The following DPRX variants were observed in gnomAD, a reference collection of about 807,000 sequenced individuals.
DPRX encodes the protein divergent-paired related homeobox, also known as divergent paired-related homeobox.
Under a neutral mutation model 8.4 loss-of-function variants are expected in DPRX, and 11 were observed. The ratio of observed to expected loss-of-function variants is 1.31; its 90% CI spans 0.82 to 2.17. The LOEUF is 2.17. Ranked by LOEUF, DPRX falls within the 30% of genes most tolerant of loss-of-function variation. The pLI is 0.00. For synonymous variants in DPRX, 72 were observed against 87.0 expected (o/e 0.83, Z 0.96); for missense variants, 211 against 236.7 (o/e 0.89, Z 0.71).
chr19:53,623,348 G>C, the DPRX span, among the ~76,000 whole-genome samples: 1 of 97,880 alleles, frequency 1.0e-5, no homozygotes, highest in African/African-American at 3.3e-5. Flanking sequence ...TAAATAAAAG[G>C]CCATTCCTGG....
At chr19:53,631,577 G>A (rs2091092909), upstream of DPRX, among the ~76,000 whole-genome samples, 1 of 151,926 alleles carries the variant, frequency 6.6e-6, no homozygotes, top group African/African-American at 2.4e-5. Flanking sequence ...TGGCCAACAT[G>A]GCGGAAACTC....
the DPRX span, among the ~76,000 whole-genome samples, chr19:53,610,105 TGG>T: frequency 6.9e-6 from 1 of 145,150 alleles, no homozygotes; most frequent in Non-Finnish European, 1.5e-5. Flanking sequence ...GAGCCGAGAT[TGG>T]GCCACTGCAC....
chr19:53,616,709 G>A, the DPRX span: 52 of 1,050,808 alleles, frequency 4.9e-5, no homozygotes, highest in East Asian at 2.3e-4. Flanking sequence ...AGCCAAGATC[G>A]CACCATTGCA....
intron 1 of DPRX, 105 bp downstream of exon 1, chr19:53,632,239 G>C (rs1156454609): frequency 6.9e-7 from 1 of 1,450,850 alleles, no homozygotes; most frequent in African/African-American, 1.4e-5. Context: ...CTGGTGCTTC[G>C]TCCACGTGGG....
At chr19:53,606,895 GC>G in the DPRX span, 2 of 152,656 alleles carry the variant, frequency 1.3e-5, no homozygotes, top group African/African-American at 4.8e-5. This position sits in a 1 kb window ranked among gnomAD's most constrained non-coding sequence, Gnocchi z 4.8. Flanking sequence ...CCCAGCGGCA[GC>G]CCAAACAGTG....
upstream of DPRX, chr19:53,632,022 G>A (rs188449868): frequency 2.1e-4 from 327 of 1,591,104 alleles, 1 homozygote; most frequent in Middle Eastern, 1.8e-3. Flanking sequence ...GGGTGTGGCT[G>A]TGGAGGAAGC....
At chr19:53,605,856 T>C in the DPRX span, among the ~76,000 whole-genome samples, 1 of 151,606 alleles carries the variant, frequency 6.6e-6, no homozygotes, top group African/African-American at 2.4e-5. Flanking sequence ...TTTGTTGAGA[T>C]GGAAGTCTCC....
chr19:53,612,435 A>G, the DPRX span, among the ~76,000 whole-genome samples: 2 of 152,030 alleles, frequency 1.3e-5, no homozygotes, highest in African/African-American at 2.4e-5. Context: ...GGCCGGGTGC[A>G]GTGGCTCACG....
At chr19:53,620,030 G>A in the DPRX span, among the ~76,000 whole-genome samples, 1 of 152,006 alleles carries the variant, frequency 6.6e-6, no homozygotes, top group Admixed American at 6.6e-5. Flanking sequence ...ATCCCACATT[G>A]GGTGAGGCTT....
chr19:53,627,097 G>A (rs1365876224), upstream of DPRX, among the ~76,000 whole-genome samples: 1 of 152,082 alleles, frequency 6.6e-6, no homozygotes, highest in East Asian at 1.9e-4. Flanking sequence ...CCCTATTTGC[G>A]CAGTAGAAGG....
chr19:53,601,764 G>C, the DPRX span, among the ~76,000 whole-genome samples: 2 of 152,068 alleles, frequency 1.3e-5, no homozygotes, highest in Non-Finnish European at 2.9e-5. Flanking sequence ...TTACAGGTGT[G>C]AGCCACCTCA....
chr19:53,609,110 T>G, the DPRX span, among the ~76,000 whole-genome samples: 2 of 151,954 alleles, frequency 1.3e-5, no homozygotes, highest in Non-Finnish European at 2.9e-5. Flanking sequence ...GGAGACATCA[T>G]GTTACCTGAC....
chr19:53,630,737 G>A (rs2091089408), upstream of DPRX, among the ~76,000 whole-genome samples: 1 of 151,982 alleles, frequency 6.6e-6, no homozygotes, highest in Non-Finnish European at 1.5e-5. Flanking sequence ...CAAATGGATG[G>A]AATGGCAAGA....
chr19:53,612,044 A>G, the DPRX span, among the ~76,000 whole-genome samples: 1 of 151,918 alleles, frequency 6.6e-6, no homozygotes, highest in Admixed American at 6.6e-5. Context: ...AGATCGTGCC[A>G]CTGCACTCTA....
chr19:53,616,304 G>A, the DPRX span, among the ~76,000 whole-genome samples: 11 of 151,994 alleles, frequency 7.2e-5, no homozygotes, highest in Admixed American at 2.0e-4. Flanking sequence ...TTTCCCTAGC[G>A]TGAAGACATG....
chr19:53,635,067 G>T (rs1017310473), intron 2 of DPRX, among the ~76,000 whole-genome samples: 1 of 152,094 alleles, frequency 6.6e-6, no homozygotes, highest in Admixed American at 6.6e-5. Context: ...CGACCTCCCG[G>T]GCTCAAGCAA....
At chr19:53,629,142 G>GCT, upstream of DPRX, among the ~76,000 whole-genome samples, 1 of 151,104 alleles carries the variant, frequency 6.6e-6, no homozygotes, top group African/African-American at 2.4e-5. Flanking sequence ...GGTGAAACCA[G>GCT]GTCTCTACTA....
chr19:53,634,059 C>A (rs2091103028), intron 1 of DPRX, among the ~76,000 whole-genome samples: 1 of 152,216 alleles, frequency 6.6e-6, no homozygotes, highest in Non-Finnish European at 1.5e-5. Context: ...ATCAAGTTGT[C>A]CTCCCGCTTC....
the DPRX span, among the ~76,000 whole-genome samples, chr19:53,615,411 G>C: frequency 6.6e-6 from 1 of 152,058 alleles, no homozygotes; most frequent in African/African-American, 2.4e-5. Context: ...CTCCTGAGTA[G>C]CTGGGATTAC....
Sources: gnomAD v4.1 joint callset for allele counts (sites outside exome capture counted in the v4.1 genomes callset) on GRCh38, gnomAD v4.1.1 for gene constraint, Gnocchi (gnomAD v3.1) non-coding constraint, MANE v1.5 for transcripts, NCBI Gene and HGNC (gene_info 2026-07-23, HGNC 2026-07-21) for gene names.